The following EHD4 variants were observed in gnomAD, a reference collection of about 807,000 sequenced individuals.
EHD4 encodes EH domain containing 4.
EHD4 carries 37 observed loss-of-function variants against 51.0 expected under a neutral mutation model. The observed-to-expected ratio is 0.73, with a 90% CI of 0.56 to 0.95. The LOEUF (loss-of-function observed/expected upper bound fraction) is 0.95, where lower values mean the gene tolerates loss of function less well. Ranked by LOEUF, EHD4 falls within the 40% of genes least tolerant of loss-of-function variation. EHD4 has a pLI of 0.00. For missense variants in EHD4, 632 were observed against 733.1 expected, an observed-to-expected ratio of 0.86 and a Z score of 1.59; for synonymous variants, 297 against 317.3, an observed-to-expected ratio of 0.94 and a Z score of 0.68.
intron 1 of EHD4, 51 bp from the exon 2 acceptor site, chr15:41,953,991 A>G (rs1195821089): frequency 1.3e-6 from 2 of 1,588,034 alleles, no homozygotes; most frequent in Non-Finnish European, 8.5e-7. Context: ...ACAAAGTAAG[A>G]GGCCAGAAAG....
intron 1 of EHD4, among the ~76,000 whole-genome samples, chr15:41,958,324 C>A (rs1183739545): frequency 6.6e-6 from 1 of 152,010 alleles, no homozygotes; most frequent in African/African-American, 2.4e-5. Flanking sequence ...CATTTGGATT[C>A]CAAGCAGCTG....
chr15:41,919,569 T>G lies in EHD4; in HGVS notation c.565A>C (p.Ile189Leu). The G allele has an allele frequency of 6.6e-7, 1 of 1,523,658 alleles. No individual in the cohort carries two copies. Among genetic ancestry groups the G allele is most frequent in the Non-Finnish European group, 8.8e-7 (1 of 1,137,852 alleles). The allele number at this position is 1,523,658 out of a possible 1,614,324, so 94.4% of individuals were successfully genotyped here. A position where few individuals can be genotyped will look rare whatever the true frequency, so the allele number is the denominator to read the frequency against. The change falls in exon 4 of 6, where the codon ATC (isoleucine) becomes CTC (leucine). Residue 189 changes from isoleucine (I) to leucine (L), a missense_variant. Ile to Leu is a conservative substitution (Grantham distance 5). Transcript: ENST00000220325. Reference protein sequence around the residue: ...QWFAERVDRIILLFDAHKLDI... With the variant: ...QWFAERVDRILLLFDAHKLDI... ...AGCTTGTGAGCGTCAAAGAGCAGGA[T>G]GATCCTGTCCACCCTCTCGGCAAAC...
chr15:41,918,197 G>A (rs907791021), intron 4 of EHD4, among the ~76,000 whole-genome samples: 22 of 148,758 alleles, frequency 1.5e-4, no homozygotes, highest in African/African-American at 5.5e-4. Context: ...CTGGCACATA[G>A]CCAATCACCC....
intron 3 of EHD4, among the ~76,000 whole-genome samples, chr15:41,922,346 A>G (rs1002918293): frequency 6.6e-6 from 1 of 152,210 alleles, no homozygotes; most frequent in African/African-American, 2.4e-5. Context: ...TGGACCCACC[A>G]CTATACTCCA....
chr15:41,933,831 A>G (rs1337799694), intron 3 of EHD4, among the ~76,000 whole-genome samples: 1 of 152,160 alleles, frequency 6.6e-6, no homozygotes, highest in African/African-American at 2.4e-5. Context: ...TAGCTTCCGA[A>G]GTAGGCTAGG....
intron 5 of EHD4, 39 bp downstream of exon 5, chr15:41,909,660 C>T (rs2067535574): frequency 1.2e-6 from 2 of 1,611,216 alleles, no homozygotes; most frequent in South Asian, 1.1e-5. Context: ...CACTGCACCT[C>T]TGCCCTCTGC....
chr15:41,909,666 T>G, intron 5 of EHD4, 33 bp downstream of exon 5: 1 of 1,612,458 alleles, frequency 6.2e-7, no homozygotes, highest in Non-Finnish European at 8.5e-7. Context: ...ACCTCTGCCC[T>G]CTGCCCGTGA....
rs1471653333 is a variant in EHD4, at chr15:41,907,872, ATATATT to A, written c.1089+1821_1089+1826del. 8.5e-4 allele frequency among the ~76,000 whole-genome samples: 41 copies of A among 48,446 alleles called. 1 individual carries two copies. Among genetic ancestry groups the A allele is most frequent in the South Asian group, 2.7e-3 (5 of 1,822 alleles). 31.8% of individuals were successfully genotyped at this position (48,446 alleles called of 152,430 possible). On this transcript the variant is annotated intron_variant, in intron 5 of 5. Transcript: ENST00000220325. ...TGTGTGTGTGTGTGTGTGTGTGTGTATATATTTATTTATTTTTTGAGATGGGGTCTG... is the reference window on the plus strand; with the variant it reads ...TGTGTGTGTGTGTGTGTGTGTGTGTATATTTATTTTTTGAGATGGGGTCTG...
chr15:41,944,904 C>T (rs1237148665), intron 2 of EHD4, among the ~76,000 whole-genome samples: 1 of 152,168 alleles, frequency 6.6e-6, no homozygotes, highest in African/African-American at 2.4e-5. Context: ...CTCCTGTACC[C>T]CAACCTTTAA....
chr15:41,936,510 T>C (rs906011568), intron 3 of EHD4, among the ~76,000 whole-genome samples: 1 of 152,264 alleles, frequency 6.6e-6, no homozygotes, highest in Non-Finnish European at 1.5e-5. Context: ...GATTAATCTC[T>C]GTATCCCAAT....
chr15:41,903,629 C>G (rs1182798689), intron 5 of EHD4, among the ~76,000 whole-genome samples: 1 of 152,114 alleles, frequency 6.6e-6, no homozygotes, highest in Non-Finnish European at 1.5e-5. Flanking sequence ...AACCCTGTCC[C>G]CTATAGCTGG....
At chr15:41,944,420 A>G (rs1249044844) in intron 2 of EHD4, among the ~76,000 whole-genome samples, 1 of 152,164 alleles carries the variant, frequency 6.6e-6, no homozygotes, top group Non-Finnish European at 1.5e-5. Flanking sequence ...GCAGAAAGCT[A>G]AAAGCTCAAT....
intron 5 of EHD4, chr15:41,908,302 T>A (rs539102153): frequency 3.9e-5 from 6 of 152,334 alleles, no homozygotes; most frequent in African/African-American, 1.4e-4. Context: ...AGTTAGTGTA[T>A]AATTTATATA....
chr15:41,946,313 C>T (rs1332256934), intron 2 of EHD4, among the ~76,000 whole-genome samples: 1 of 152,088 alleles, frequency 6.6e-6, no homozygotes, highest in African/African-American at 2.4e-5. Flanking sequence ...CCTAGGCTGC[C>T]CCCTCAACTC....
chr15:41,963,475 C>T (rs1424857662), intron 1 of EHD4, among the ~76,000 whole-genome samples: 1 of 151,712 alleles, frequency 6.6e-6, no homozygotes, highest in Admixed American at 6.6e-5. Context: ...TGGCCCATGC[C>T]TGTAATCCCA....
chr15:41,944,237 CT>C (rs1456477979), intron 2 of EHD4, among the ~76,000 whole-genome samples: 1 of 152,190 alleles, frequency 6.6e-6, no homozygotes, highest in Non-Finnish European at 1.5e-5. Context: ...GTCCTTTTAG[CT>C]TTCAGACTGA....
chr15:41,903,026 A>G (rs1180221532), intron 5 of EHD4, among the ~76,000 whole-genome samples: 1 of 151,812 alleles, frequency 6.6e-6, no homozygotes, highest in East Asian at 1.9e-4. Flanking sequence ...GAACTGCGAG[A>G]GTTACCTAGA....
At chr15:41,918,844 C>G (rs1310031354) in intron 4 of EHD4, among the ~76,000 whole-genome samples, 2 of 152,242 alleles carry the variant, frequency 1.3e-5, no homozygotes. Flanking sequence ...GGTTATATTC[C>G]TATCGTCCTG....
intron 1 of EHD4, among the ~76,000 whole-genome samples, chr15:41,967,395 G>T (rs998907324): frequency 6.6e-6 from 1 of 152,092 alleles, no homozygotes; most frequent in African/African-American, 2.4e-5. Flanking sequence ...TGTGATGGCT[G>T]GCCCCAACCC....
Sources: allele counts gnomAD v4.1 joint callset (sites outside exome capture counted in the v4.1 genomes callset), GRCh38; gene constraint gnomAD v4.1.1; transcripts MANE v1.5; gene names NCBI Gene and HGNC (gene_info 2026-07-23, HGNC 2026-07-21).